The following C6 variants were observed in gnomAD, a reference collection of about 807,000 sequenced individuals.
The protein encoded by C6 is complement component C6.
C6 carries 101 observed loss-of-function variants against 112.9 expected under a neutral mutation model. The observed-to-expected ratio is 0.89, with a 90% confidence interval of 0.76 to 1.06. The LOEUF is 1.06. Ranked by LOEUF, C6 falls within the 50% of genes least tolerant of loss-of-function variation. The pLI is 0.00. For missense variants in C6, 1,202 were observed against 1,104.6 expected (o/e 1.09, Z -1.25); for synonymous variants, 431 against 384.1 (o/e 1.12, Z -1.43).
chr5:41,207,484 T>C (rs2150380309), intron 1 of C6, among the ~76,000 whole-genome samples: 1 of 152,252 alleles, frequency 6.6e-6, no homozygotes, highest in South Asian at 2.1e-4. Flanking sequence ...AGGAGACCCA[T>C]CTCATGTGCA....
At chr5:41,209,464 A>G (rs933010955) in intron 1 of C6, among the ~76,000 whole-genome samples, 5 of 152,212 alleles carry the variant, frequency 3.3e-5, no homozygotes, top group African/African-American at 1.2e-4. Flanking sequence ...TTGTATATTT[A>G]GAAAATCTCA....
chr5:41,203,302 T>A (rs180816148), intron 1 of C6, 52 bp from the exon 2 acceptor site: 1 of 1,561,190 alleles, frequency 6.4e-7, no homozygotes. Context: ...GAGGTAAACC[T>A]TCACAAGTCA....
intron 12 of C6, 79 bp downstream of exon 12, chr5:41,159,002 AG>A (rs1445329362): frequency 4.1e-6 from 6 of 1,467,066 alleles, no homozygotes; most frequent in African/African-American, 1.4e-5. Context: ...ACTTAGCAGT[AG>A]ACTAATAACC....
chr5:41,202,689 C>T (rs1300993028), intron 2 of C6, among the ~76,000 whole-genome samples: 1 of 152,132 alleles, frequency 6.6e-6, no homozygotes, highest in African/African-American at 2.4e-5. Flanking sequence ...TGCCAACAAT[C>T]AAGCTAATAG....
At chr5:41,160,493 G>T (rs923373952) in intron 10 of C6, 126 bp from the exon 11 acceptor site, 158 of 757,962 alleles carry the variant, frequency 2.1e-4, no homozygotes, top group Middle Eastern at 7.4e-4. Context: ...GATTATTGCA[G>T]AATATAGTAT....
chr5:41,191,066 G>GTTTTTT (rs149339868), intron 5 of C6, among the ~76,000 whole-genome samples: 2 of 62,068 alleles, frequency 3.2e-5, no homozygotes, highest in African/African-American at 1.4e-4. Context: ...GATGCCTTTG[G>GTTTTTT]CTTTTTTTTT....
chr5:41,200,891 G>GTTGTTT (rs1447605950), intron 3 of C6, among the ~76,000 whole-genome samples: 12 of 70,654 alleles, frequency 1.7e-4, no homozygotes, highest in Non-Finnish European at 2.2e-4. Context: ...TGTTGTTGTT[G>GTTGTTT]TTTTTTTTTT....
At chr5:41,216,037 A>G (rs1296395441), upstream of C6, among the ~76,000 whole-genome samples, 34 of 152,164 alleles carry the variant, frequency 2.2e-4, no homozygotes, top group Admixed American at 2.2e-3. Context: ...GAAATGGCAG[A>G]TTGAACTATT....
rs936644568 is a variant in C6, at chr5:41,255,624, G to A, written c.-21+5570C>T. Reference sequence around the variant, plus strand: ...CTCCACTTCTCTCTGCCTACAATATGCATTCTTATACCTGCCCTGATTGGC... The same window carrying A: ...CTCCACTTCTCTCTGCCTACAATATACATTCTTATACCTGCCCTGATTGGC... On this transcript the variant is annotated intron_variant, in intron 1 of 17. Transcript: ENST00000263413. 7.2e-5 allele frequency among the ~76,000 whole-genome samples: 11 copies of A among 152,258 alleles called. No individual in the cohort carries two copies. The South Asian group carries it at 2.3e-3, about 32-fold the overall frequency.
At chr5:41,213,806 G>C (rs1016577845), upstream of C6, among the ~76,000 whole-genome samples, 1 of 152,130 alleles carries the variant, frequency 6.6e-6, no homozygotes, top group African/African-American at 2.4e-5. Context: ...TTATAGAATA[G>C]TTATTGGTAA....
intron 1 of C6, chr5:41,212,968 A>T (rs1017750548): frequency 6.6e-6 from 1 of 152,098 alleles, no homozygotes; most frequent in African/African-American, 2.4e-5. Flanking sequence ...CTTCCTTTAC[A>T]TCTCCATGTA....
In C6 at chr5:41,203,126, G is replaced by A. The variant is rs1751161279; in HGVS notation, c.105C>T (p.Cys35=). Residue 35 remains cysteine (C), a synonymous_variant, in exon 2 of 18, where the codon TGC becomes TGT. Coordinates refer to ENST00000337836, the MANE Select transcript of C6 (RefSeq NM_000065.5). The stretch of plus-strand genomic sequence containing the variant: ...GGGTTCCAGAATTGCAAGTTTTTGA[G>A]CAGCTGGTCCACTGAGTCCATGCAT... ...DHYAWTQWTS[C]SKTCNSGTQS... 6.2e-7 allele frequency: 1 copy of A among 1,613,992 alleles called. No homozygotes were observed. The highest frequency in any genetic ancestry group is 1.1e-5 in the South Asian group (1 of 91,092).
At chr5:41,211,642 C>A (rs1455679404) in intron 1 of C6, among the ~76,000 whole-genome samples, 1 of 151,994 alleles carries the variant, frequency 6.6e-6, no homozygotes, top group Non-Finnish European at 1.5e-5. Flanking sequence ...CCCCTATACC[C>A]TTCACCCTTG....
intron 1 of C6, among the ~76,000 whole-genome samples, chr5:41,256,788 T>G (rs1308643615): frequency 6.6e-6 from 1 of 152,206 alleles, no homozygotes; most frequent in Non-Finnish European, 1.5e-5. Context: ...TTAGACAGAT[T>G]GAAGGCCAGC....
In C6 at chr5:41,181,450, A is replaced by G. The variant is rs536550760; in HGVS notation, c.836T>C (p.Phe279Ser). The part of the protein sequence containing the change: ...GSFSSQGGSS[F>S]SVPIFYSSKR... ...TGAGGAATAAAAAATTGGTACACTG[A>G]AAGAGCTCCCCCCCTGACTTGAGAA... The change falls in exon 7 of 18, where the codon TTC (phenylalanine) becomes TCC (serine). Residue 279 changes from phenylalanine to serine, a missense_variant. Coordinates refer to ENST00000337836, the MANE Select transcript of C6 (RefSeq NM_000065.5). 5 of 1,613,858 alleles carry G rather than the reference A, an allele frequency of 3.1e-6. No homozygotes were observed. In the African/African-American group the frequency reaches 6.7e-5, roughly 22 times the overall value.
Position 41,142,842 on chromosome 5 carries a change from C to T in C6, c.2788G>A (p.Gly930Arg). ...TAATTGTGCTAGGCCAAACACTTTC[C>T]AGGATGCAGTATTTCCATCTTCCTG... The part of the protein sequence containing the change: ...ANRKMEILHP[G>R]KCLA The change falls in exon 18 of 18, where the codon GGA becomes AGA. Residue 930 changes from glycine to arginine, a missense_variant. By Grantham distance (125) the Gly-to-Arg change is moderately radical. Coordinates refer to ENST00000337836, the MANE Select transcript of C6 (RefSeq NM_000065.5). 6.2e-7 allele frequency: 1 copy of T among 1,613,272 alleles called. No individual in the cohort carries two copies. The highest frequency in any genetic ancestry group is 8.5e-7 in the Non-Finnish European group (1 of 1,179,406).
chr5:41,190,945 G>A (rs577407526), intron 5 of C6, among the ~76,000 whole-genome samples: 2 of 151,928 alleles, frequency 1.3e-5, no homozygotes, highest in East Asian at 3.9e-4. Context: ...TTCTGTATTC[G>A]GTTCCATTGG....
chr5:41,210,281 C>A (rs542623374), intron 1 of C6, among the ~76,000 whole-genome samples: 87 of 152,264 alleles, frequency 5.7e-4, no homozygotes, highest in African/African-American at 2.0e-3. Flanking sequence ...AAAACCTAGG[C>A]AATACCATTC....
intron 2 of C6, 137 bp downstream of exon 2, chr5:41,202,951 C>A (rs1047731501): frequency 1.1e-6 from 1 of 901,328 alleles, no homozygotes. Flanking sequence ...AGAGAGACTT[C>A]AAATTTCATC....
Sources: allele counts gnomAD v4.1 joint callset (sites outside exome capture counted in the v4.1 genomes callset), GRCh38; gene constraint gnomAD v4.1.1; transcripts MANE v1.5; gene names NCBI Gene and HGNC (gene_info 2026-07-23, HGNC 2026-07-21).